TMEM132B: variants seen among roughly 807,000 people sequenced by gnomAD.
TMEM132B encodes the protein transmembrane protein 132B.
TMEM132B carries 18 observed loss-of-function variants against 90.8 expected under a neutral mutation model. The ratio of observed to expected loss-of-function variants is 0.20; its 90% CI spans 0.14 to 0.29. TMEM132B has a LOEUF of 0.29. TMEM132B is among the 10% of genes least tolerant of loss of function. TMEM132B has a pLI of 1.00. For synonymous variants in TMEM132B, 504 were observed against 523.3 expected, an observed-to-expected ratio of 0.96 and a Z score of 0.50; for missense variants, 1,096 against 1,326.8, an observed-to-expected ratio of 0.83 and a Z score of 2.70.
Position 125,495,578 on chromosome 12 carries a change from CATGCACCT to C in TMEM132B, c.1107-23855_1107-23848del, listed in dbSNP as rs796142498. Among the ~76,000 whole-genome samples the C allele has an allele frequency of 2.0e-5, 3 of 152,344 alleles. No individual in the cohort carries two copies. In the South Asian group the frequency reaches 6.2e-4, roughly 32 times the overall value. ...TCCCTTATTATTTCTCTTATTCACA[CATGCACCT>C]ATGCAACAATTAACTTCATCCATTT... On this transcript the variant is annotated intron_variant, in intron 3 of 8. Transcript: ENST00000682704.
intron 3 of TMEM132B, among the ~76,000 whole-genome samples, chr12:125,464,224 G>GA (rs1881508740): frequency 6.6e-6 from 1 of 152,178 alleles, no homozygotes; most frequent in Admixed American, 6.5e-5. Context: ...ATGTCTTCTT[G>GA]GAGCAGAATA....
chr12:125,275,792 C>T (rs933007680), intron 1 of TMEM132B, among the ~76,000 whole-genome samples: 6 of 152,196 alleles, frequency 3.9e-5, no homozygotes, highest in African/African-American at 1.2e-4. Context: ...CAGTTCACTG[C>T]AGCCTTGACC....
At chr12:125,602,938 A>T (rs1885606384) in intron 5 of TMEM132B, among the ~76,000 whole-genome samples, 1 of 152,186 alleles carries the variant, frequency 6.6e-6, no homozygotes, top group Non-Finnish European at 1.5e-5. Context: ...GAGAACTACA[A>T]ACCACTGCTC....
chr12:125,274,010 C>T (rs1232919877), intron 1 of TMEM132B, among the ~76,000 whole-genome samples: 2 of 152,192 alleles, frequency 1.3e-5, no homozygotes, highest in Non-Finnish European at 2.9e-5. Context: ...CAGTCTCATT[C>T]CCTCTCCCCT....
chr12:125,326,119 G>GTC (rs1343257482), intron 1 of TMEM132B, among the ~76,000 whole-genome samples: 3 of 152,132 alleles, frequency 2.0e-5, no homozygotes, highest in Non-Finnish European at 4.4e-5. Flanking sequence ...CAAACCCAGA[G>GTC]TCTCTCTCTC....
intron 4 of TMEM132B, among the ~76,000 whole-genome samples, chr12:125,565,416 A>G (rs1177659145): frequency 6.6e-6 from 1 of 152,200 alleles, no homozygotes; most frequent in Non-Finnish European, 1.5e-5. Flanking sequence ...CTGAAGCCCA[A>G]GTGTGCGTAT....
intron 3 of TMEM132B, among the ~76,000 whole-genome samples, chr12:125,513,089 G>A (rs1253847679): frequency 1.3e-5 from 2 of 152,180 alleles, no homozygotes; most frequent in African/African-American, 2.4e-5. Context: ...CAGCCTCCCC[G>A]GGAGCCTTCC....
In TMEM132B at chr12:125,266,372, G is replaced by A. The variant is rs551762179; in HGVS notation, c.67+79506G>A. Among the ~76,000 whole-genome samples, 5 of 152,348 alleles carry A rather than the reference G, an allele frequency of 3.3e-5. No individual in the cohort carries two copies. The East Asian group carries it at 9.6e-4, about 29-fold the overall frequency. ...GGTCTGCTGTTGAGCATTGACTTATGTGAATCTATCACTGCTTTCCCATTC... is the reference window on the plus strand; with the variant it reads ...GGTCTGCTGTTGAGCATTGACTTATATGAATCTATCACTGCTTTCCCATTC... On this transcript the variant is annotated intron_variant, in intron 1 of 8. Coordinates refer to ENST00000682704, the MANE Select transcript of TMEM132B (RefSeq NM_001366854.1).
intron 5 of TMEM132B, among the ~76,000 whole-genome samples, chr12:125,601,939 A>C (rs1018611070): frequency 1.3e-5 from 2 of 152,264 alleles, no homozygotes; most frequent in Non-Finnish European, 2.9e-5. Flanking sequence ...TGAATAGACC[A>C]ATAACAAGTT....
intron 3 of TMEM132B, among the ~76,000 whole-genome samples, chr12:125,429,623 G>A (rs1051997732): frequency 6.6e-6 from 1 of 152,092 alleles, no homozygotes; most frequent in Non-Finnish European, 1.5e-5. Context: ...CTTGACAGAC[G>A]GTCTTGAGGA....
chr12:125,373,436 AT>A (rs904814249), intron 2 of TMEM132B, among the ~76,000 whole-genome samples: 11 of 152,310 alleles, frequency 7.2e-5, no homozygotes, highest in African/African-American at 2.6e-4. Context: ...AGGGAGATCC[AT>A]GTGAAGACAC....
intron 1 of TMEM132B, among the ~76,000 whole-genome samples, chr12:125,310,017 T>C (rs1876086440): frequency 6.6e-6 from 1 of 152,174 alleles, no homozygotes; most frequent in Non-Finnish European, 1.5e-5. Context: ...TGTGGCTGCC[T>C]GGCTTCCTTG....
intron 1 of TMEM132B, among the ~76,000 whole-genome samples, chr12:125,302,273 G>C (rs1875848964): frequency 6.6e-6 from 1 of 151,976 alleles, no homozygotes; most frequent in Non-Finnish European, 1.5e-5. Flanking sequence ...GCTGAGGTGG[G>C]AGGATCACCT....
chr12:125,362,907 A>T (rs972836379), intron 2 of TMEM132B, among the ~76,000 whole-genome samples: 3 of 152,200 alleles, frequency 2.0e-5, no homozygotes, highest in Non-Finnish European at 4.4e-5. Flanking sequence ...GTTGAACCCT[A>T]AAGAGCACTT....
chr12:125,547,665 C>G (rs904700137), intron 4 of TMEM132B, among the ~76,000 whole-genome samples: 3 of 152,128 alleles, frequency 2.0e-5, no homozygotes, highest in African/African-American at 7.2e-5. Context: ...TGGCTCTTTG[C>G]AGGTTTCCCT....
At chr12:125,412,997 C>G (rs1428172146) in intron 2 of TMEM132B, among the ~76,000 whole-genome samples, 1 of 151,870 alleles carries the variant, frequency 6.6e-6, no homozygotes, top group African/African-American at 2.4e-5. Context: ...CTTTTTGGGG[C>G]GTGCAAGAGC....
rs1886998387 is a variant in TMEM132B, at chr12:125,654,058, A to G, written c.2600A>G (p.Lys867Arg). 2 of 1,614,138 alleles carry G rather than the reference A, an allele frequency of 1.2e-6. No homozygotes were observed. The highest frequency in any genetic ancestry group is 1.3e-5 in the African/African-American group (1 of 75,034). Residue 867 changes from lysine (K) to arginine (R), a missense_variant, in exon 9 of 9, where the codon AAA becomes AGA. Physicochemically the swap from Lys to Arg is conservative, Grantham distance 26 (BLOSUM62 2). Transcript: ENST00000682704. The surrounding 1 kb of genome is among the most constrained non-coding windows in gnomAD (Gnocchi z 5.8). ...SPMEGKNKLL[K>R]SGGPDAFTSF... ...ATGGAAGGGAAGAATAAGTTACTCA[A>G]AAGTGGTGGTCCAGATGCCTTTACA...
In TMEM132B at chr12:125,650,906, G is replaced by T; in HGVS notation, c.1867G>T (p.Asp623Tyr). 1 of 1,613,488 alleles carries T rather than the reference G, an allele frequency of 6.2e-7. No individual in the cohort carries two copies. The highest frequency in any genetic ancestry group is 8.5e-7 in the Non-Finnish European group (1 of 1,180,014). ...VEEPKIAQLQ[D>Y]GRTLAGREPG... ...GGAGCCGAAAATCGCTCAGTTACAG[G>T]ACGGCAGGACCCTGGCTGGTCGGGA... The change falls in exon 7 of 9, where the codon GAC becomes TAC. Residue 623 changes from aspartate to tyrosine, a missense_variant. Coordinates refer to ENST00000682704, the MANE Select transcript of TMEM132B (RefSeq NM_001366854.1).
intron 3 of TMEM132B, among the ~76,000 whole-genome samples, chr12:125,511,784 G>A (rs758403275): frequency 1.3e-4 from 20 of 150,720 alleles, no homozygotes; most frequent in Non-Finnish European, 1.9e-4. Flanking sequence ...CCCGGGAGGC[G>A]GAGCTTGCAG....
Sources: allele counts gnomAD v4.1 joint callset (sites outside exome capture counted in the v4.1 genomes callset), GRCh38; gene constraint gnomAD v4.1.1; non-coding constraint Gnocchi (gnomAD v3.1); transcripts MANE v1.5; gene names NCBI Gene and HGNC (gene_info 2026-07-23, HGNC 2026-07-21).